Variants in PROM1 observed in about 807,000 individuals in gnomAD.
PROM1 encodes prominin 1.
In PROM1, 105 loss-of-function variants were observed where a neutral mutation model predicts 116.9. That is an observed-to-expected ratio of 0.90 (90% CI 0.77 to 1.06). The LOEUF (loss-of-function observed/expected upper bound fraction) is 1.06. PROM1 is among the 50% of genes least tolerant of loss of function. The pLI is 0.00. For missense variants in PROM1, 1,122 were observed against 1,045.2 expected (o/e 1.07, Z -1.01); for synonymous variants, 393 against 387.0 (o/e 1.02, Z -0.18).
chr4:16,005,491 GTTTGGTGTGT>G (rs1172997351), intron 13 of PROM1, among the ~76,000 whole-genome samples: 34 of 125,232 alleles, frequency 2.7e-4, no homozygotes, highest in African/African-American at 1.1e-3. Context: ...TTTTTTGTTT[GTTTGGTGTGT>G]GTGTGTGTGT....
At position 15,989,757 on chromosome 4, in the gene PROM1, C is replaced by T. The variant is rs770861575; in HGVS notation, c.2051G>A (p.Arg684Gln). ...CAGTGATTGTTCTATAGGAAGGACT[C>T]GTTGCTGGTGAATTGTTTTAATAGT... Reference protein sequence around the residue: ...AQTIKTIHQQRVLPIEQSLST... With the variant: ...AQTIKTIHQQQVLPIEQSLST... The change falls in exon 19 of 28, where the codon CGA (arginine) becomes CAA (glutamine). Residue 684 changes from arginine to glutamine, a missense_variant. Coordinates refer to ENST00000447510, the MANE Select transcript of PROM1 (RefSeq NM_006017.3). 4.4e-6 allele frequency: 7 copies of T among 1,608,176 alleles called. No individual in the cohort carries two copies. The highest frequency in any genetic ancestry group is 1.7e-4 in the Middle Eastern group (1 of 6,054).
chr4:16,039,328 G>A (rs1470291096), intron 2 of PROM1, among the ~76,000 whole-genome samples: 1 of 152,118 alleles, frequency 6.6e-6, no homozygotes. Context: ...TAAAAATTTT[G>A]CTGAAATTGC....
At chr4:15,977,740 A>G (rs569678179) in intron 26 of PROM1, among the ~76,000 whole-genome samples, 2 of 152,316 alleles carry the variant, frequency 1.3e-5, no homozygotes, top group South Asian at 4.1e-4. Context: ...CAGGGACTAC[A>G]GGCGTGTGCC....
At chr4:15,990,328 C>T (rs753153512) in intron 18 of PROM1, among the ~76,000 whole-genome samples, 5 of 152,178 alleles carry the variant, frequency 3.3e-5, no homozygotes, top group African/African-American at 7.2e-5. Flanking sequence ...CCAGGTTCCT[C>T]GTCACCATGG....
chr4:15,982,851 G>A (rs1168122843), intron 23 of PROM1, among the ~76,000 whole-genome samples: 2 of 152,228 alleles, frequency 1.3e-5, no homozygotes, highest in Non-Finnish European at 2.9e-5. Flanking sequence ...GGGTCTGCGT[G>A]GTTGGGTCGG....
At position 15,982,705 on chromosome 4, in the gene PROM1, G is replaced by A. The variant is rs141517446; in HGVS notation, c.2373+1558C>T. Among the ~76,000 whole-genome samples, 277 of 152,218 alleles carry A rather than the reference G, an allele frequency of 1.8e-3. 2 individuals carry two copies. Among genetic ancestry groups the A allele is most frequent in the Admixed American group, 5.6e-3 (86 of 15,276 alleles). On this transcript the variant is annotated intron_variant, in intron 23 of 27. Transcript: ENST00000447510. ...TGGTGGAGGCTGGACATAGAGAGAC[G>A]TCAATTCAGAATCAAGCAGGTTGGC...
At chr4:16,049,141 G>A (rs1183483778) in intron 2 of PROM1, among the ~76,000 whole-genome samples, 2 of 152,222 alleles carry the variant, frequency 1.3e-5, no homozygotes, top group Non-Finnish European at 2.9e-5. Context: ...TGTGGATTCC[G>A]ACGGCATTTC....
chr4:15,997,700 G>A (rs1278055350), intron 15 of PROM1, among the ~76,000 whole-genome samples: 1 of 152,042 alleles, frequency 6.6e-6, no homozygotes, highest in Non-Finnish European at 1.5e-5. Flanking sequence ...CCTGACCTCA[G>A]GTGATCCACC....
At chr4:16,034,337 C>T (rs1008764930) in intron 4 of PROM1, among the ~76,000 whole-genome samples, 1 of 152,120 alleles carries the variant, frequency 6.6e-6, no homozygotes, top group Non-Finnish European at 1.5e-5. Flanking sequence ...AATAATAATA[C>T]GTACCTTGTC....
At chr4:16,061,624 G>A (rs963376972) in intron 2 of PROM1, among the ~76,000 whole-genome samples, 3 of 152,142 alleles carry the variant, frequency 2.0e-5, no homozygotes, top group Non-Finnish European at 2.9e-5. Context: ...GGCCCTCTGC[G>A]AATACAGCTC....
chr4:16,032,983 A>G (rs1018933581), intron 5 of PROM1, among the ~76,000 whole-genome samples: 3 of 152,200 alleles, frequency 2.0e-5, no homozygotes, highest in Non-Finnish European at 4.4e-5. Flanking sequence ...ATAGCTAATT[A>G]AGAGGAGTCT....
At chr4:15,977,916 A>G (rs896551125) in intron 26 of PROM1, among the ~76,000 whole-genome samples, 1 of 152,124 alleles carries the variant, frequency 6.6e-6, no homozygotes, top group African/African-American at 2.4e-5. Context: ...GATTTTTTTA[A>G]TTATCACCAT....
chr4:15,973,459 A>G (rs765523380), intron 26 of PROM1, among the ~76,000 whole-genome samples: 1 of 152,200 alleles, frequency 6.6e-6, no homozygotes, highest in Non-Finnish European at 1.5e-5. Context: ...AACAACAACA[A>G]CAGCAAAGAA....
intron 2 of PROM1, among the ~76,000 whole-genome samples, chr4:16,062,078 G>C (rs751918388): frequency 2.0e-5 from 3 of 151,882 alleles, no homozygotes; most frequent in Non-Finnish European, 4.4e-5. Flanking sequence ...ATTTTTAGTA[G>C]AGACGGGGTT....
intron 2 of PROM1, among the ~76,000 whole-genome samples, chr4:16,075,081 T>G (rs561997860): frequency 6.6e-6 from 1 of 152,016 alleles, no homozygotes. Flanking sequence ...ACAACAAACA[T>G]TAAGAAGGCG....
At chr4:16,019,303 C>T (rs1578062037) in intron 8 of PROM1, among the ~76,000 whole-genome samples, 2 of 152,348 alleles carry the variant, frequency 1.3e-5, no homozygotes, top group Admixed American at 6.5e-5. Flanking sequence ...CAGTTAAAAT[C>T]GTACTTCAAA....
intron 4 of PROM1, among the ~76,000 whole-genome samples, chr4:16,034,842 G>A (rs1733615895): frequency 6.6e-6 from 1 of 152,204 alleles, no homozygotes; most frequent in Non-Finnish European, 1.5e-5. Context: ...GGGCTTCCAG[G>A]TCCCTAAAGT....
intron 26 of PROM1, among the ~76,000 whole-genome samples, chr4:15,974,092 C>T (rs1267360631): frequency 2.2e-5 from 3 of 137,910 alleles, no homozygotes; most frequent in African/African-American, 7.7e-5. Context: ...CAGACACACA[C>T]ACACAGACAC....
chr4:16,033,499 T>C lies in PROM1; in HGVS notation c.314A>G (p.Tyr105Cys), dbSNP rs570279948. 32 of 1,597,722 alleles carry C rather than the reference T, an allele frequency of 2.0e-5. No homozygotes were observed. The highest frequency in any genetic ancestry group is 2.4e-5 in the Non-Finnish European group (28 of 1,171,678). Reference sequence around the variant, plus strand: ...ACAGCATAGAATAATCCCTGCTTCATAGTAGACAATCTGCAATTCAAACAA... The same window carrying C: ...ACAGCATAGAATAATCCCTGCTTCACAGTAGACAATCTGCAATTCAAACAA... ...TVILGLKIVYYEAGIILCCVL... is the reference protein window; with the variant it reads ...TVILGLKIVYCEAGIILCCVL... Residue 105 changes from tyrosine (Y) to cysteine (C), a missense_variant, in exon 5 of 28, where the codon TAT becomes TGT. Coordinates refer to ENST00000447510, the MANE Select transcript of PROM1 (RefSeq NM_006017.3).
Sources: allele counts gnomAD v4.1 joint callset (sites outside exome capture counted in the v4.1 genomes callset), GRCh38; gene constraint gnomAD v4.1.1; transcripts MANE v1.5; gene names NCBI Gene and HGNC (gene_info 2026-07-23, HGNC 2026-07-21).